DGKB: variants seen among roughly 807,000 people sequenced by gnomAD.
DGKB encodes 90 kDa diacylglycerol kinase.
Under a neutral mutation model 114.3 loss-of-function variants are expected in DGKB, and 67 were observed. That is an observed-to-expected ratio of 0.59 (90% CI 0.48 to 0.72). The LOEUF (loss-of-function observed/expected upper bound fraction) is 0.72, where lower values mean the gene tolerates loss of function less well. Among genes scored for constraint, DGKB ranks in the 30% least tolerant of loss-of-function variants. The pLI is 0.00. For missense variants in DGKB, 907 were observed against 975.2 expected, an observed-to-expected ratio of 0.93 and a Z score of 0.93; for synonymous variants, 398 against 323.1, an observed-to-expected ratio of 1.23 and a Z score of -2.49.
intron 21 of DGKB, among the ~76,000 whole-genome samples, chr7:14,472,540 C>G (rs1584219546): frequency 6.6e-6 from 1 of 152,052 alleles, no homozygotes; most frequent in East Asian, 1.9e-4. Flanking sequence ...TAAATTGGTA[C>G]CAGTAGAATG....
intron 1 of DGKB, among the ~76,000 whole-genome samples, chr7:14,848,887 C>A (rs1562709873): frequency 6.6e-6 from 1 of 152,034 alleles, no homozygotes; most frequent in Non-Finnish European, 1.5e-5. Context: ...TCTGACCAAC[C>A]CTGCATATCC....
At chr7:14,190,779 C>G (rs1473062594) in intron 23 of DGKB, 1 of 152,500 alleles carries the variant, frequency 6.6e-6, no homozygotes, top group East Asian at 1.9e-4. Flanking sequence ...GTCATGAAAA[C>G]CATCCCTAAA....
intron 13 of DGKB, among the ~76,000 whole-genome samples, chr7:14,665,636 T>A (rs1387789459): frequency 6.6e-6 from 1 of 152,036 alleles, no homozygotes; most frequent in Non-Finnish European, 1.5e-5. Flanking sequence ...ATAATCTGCT[T>A]GATTTTACTC....
intron 20 of DGKB, among the ~76,000 whole-genome samples, chr7:14,532,982 G>T (rs781702240): frequency 9.9e-5 from 15 of 151,706 alleles, no homozygotes; most frequent in Non-Finnish European, 1.9e-4. Flanking sequence ...AAGAATAAGG[G>T]TTACATGACA....
intron 1 of DGKB, among the ~76,000 whole-genome samples, chr7:14,931,852 G>T (rs967448181): frequency 1.3e-5 from 2 of 152,062 alleles, no homozygotes; most frequent in South Asian, 2.1e-4. Flanking sequence ...GGTGGGTCGG[G>T]GGGTGGGGAT....
At chr7:14,647,610 C>T (rs185788440) in intron 13 of DGKB, among the ~76,000 whole-genome samples, 69 of 135,196 alleles carry the variant, frequency 5.1e-4, no homozygotes, top group African/African-American at 1.8e-3. Context: ...AATTCAACAT[C>T]ACATCAAAAA....
At chr7:14,607,997 G>C (rs139991464) in intron 16 of DGKB, among the ~76,000 whole-genome samples, 1 of 152,062 alleles carries the variant, frequency 6.6e-6, no homozygotes, top group Non-Finnish European at 1.5e-5. Context: ...TGTAAGCAAA[G>C]AATGTAGCCT....
At chr7:14,818,419 T>A (rs988831582) in intron 2 of DGKB, among the ~76,000 whole-genome samples, 1 of 151,874 alleles carries the variant, frequency 6.6e-6, no homozygotes, top group Non-Finnish European at 1.5e-5. Context: ...ACATAAAGGG[T>A]GAGTGATAAA....
At chr7:14,298,872 A>C (rs926751004) in intron 23 of DGKB, among the ~76,000 whole-genome samples, 2 of 152,210 alleles carry the variant, frequency 1.3e-5, no homozygotes, top group African/African-American at 4.8e-5. Context: ...TCCATCAAAA[A>C]GTGGGTGAAG....
intron 2 of DGKB, among the ~76,000 whole-genome samples, chr7:14,769,987 C>T (rs1167299443): frequency 6.6e-6 from 1 of 152,042 alleles, no homozygotes; most frequent in African/African-American, 2.4e-5. Context: ...AATATAAAGC[C>T]ACCTTAACAG....
intron 23 of DGKB, among the ~76,000 whole-genome samples, chr7:14,253,578 T>C (rs371688767): frequency 2.0e-5 from 3 of 152,254 alleles, no homozygotes; most frequent in African/African-American, 4.8e-5. Flanking sequence ...ATTGCTATTA[T>C]GTCTGAAATC....
chr7:14,285,030 T>A (rs188816001), intron 23 of DGKB, among the ~76,000 whole-genome samples: 1 of 61,330 alleles, frequency 1.6e-5, no homozygotes, highest in African/African-American at 3.9e-5. Flanking sequence ...AATAAAAAAA[T>A]AATAAAAAAA....
chr7:14,146,326 T>C lies in DGKB; in HGVS notation c.*2805A>G, dbSNP rs943634598. On this transcript the variant is annotated 3_prime_UTR_variant, in exon 26 of 26. Coordinates refer to ENST00000402815, the MANE Select transcript of DGKB (RefSeq NM_001350709.2). Reference sequence around the variant, plus strand: ...CTCATCAACTCAGTGCCTAGCAATGTTTAGCAGAGTGCATGTCTCTTTTCC... The same window carrying C: ...CTCATCAACTCAGTGCCTAGCAATGCTTAGCAGAGTGCATGTCTCTTTTCC... The C allele has an allele frequency of 6.6e-6, 1 of 152,222 alleles. No individual in the cohort carries two copies. The highest frequency in any genetic ancestry group is 2.4e-5 in the African/African-American group (1 of 41,452). The allele number at this position is 152,222 out of a possible 1,614,324, so 9.4% of individuals were successfully genotyped here. A position where few individuals can be genotyped will look rare whatever the true frequency, so the allele number is the denominator to read the frequency against.
chr7:14,920,693 C>A (rs981920634), intron 1 of DGKB, among the ~76,000 whole-genome samples: 2 of 152,152 alleles, frequency 1.3e-5, no homozygotes, highest in African/African-American at 4.8e-5. Context: ...AAACCCTTCA[C>A]AGGAATGTTT....
chr7:14,408,680 C>A (rs1282239609), intron 21 of DGKB, among the ~76,000 whole-genome samples: 2 of 151,932 alleles, frequency 1.3e-5, no homozygotes, highest in East Asian at 1.9e-4. Flanking sequence ...ATTTTTGGTT[C>A]TTTACTTGAT....
chr7:14,919,095 A>ACACACACAC (rs1554345122), intron 1 of DGKB, among the ~76,000 whole-genome samples: 10 of 114,970 alleles, frequency 8.7e-5, no homozygotes, highest in African/African-American at 3.2e-4. Flanking sequence ...CACACACACA[A>ACACACACAC]ACACACACAC....
At position 14,155,014 on chromosome 7, in the gene DGKB, C is replaced by T. The variant is rs150827970; in HGVS notation, c.2305-5776G>A. ...ATCATTGTTAGAAATGCAGACTCCC[C>T]GGTCCCACCCCAGATCTTCTGATTC... On this transcript the variant is annotated intron_variant, in intron 25 of 25. Transcript: ENST00000402815. 3.5e-4 allele frequency among the ~76,000 whole-genome samples: 53 copies of T among 152,098 alleles called. No individual in the cohort carries two copies. In the East Asian group the frequency reaches 6.0e-3, roughly 17 times the overall value.
At chr7:14,968,986 T>C (rs776928191) in intron 1 of DGKB, among the ~76,000 whole-genome samples, 27 of 152,210 alleles carry the variant, frequency 1.8e-4, no homozygotes, top group Non-Finnish European at 3.8e-4. Flanking sequence ...GCAGAATTCA[T>C]CTTACTGGTT....
chr7:14,913,240 A>G (rs1012827322), intron 1 of DGKB, among the ~76,000 whole-genome samples: 2 of 150,984 alleles, frequency 1.3e-5, no homozygotes, highest in African/African-American at 2.4e-5. Flanking sequence ...CTTATTTCAC[A>G]CTCCGCTCTG....
Sources: allele counts gnomAD v4.1 joint callset (sites outside exome capture counted in the v4.1 genomes callset), GRCh38; gene constraint gnomAD v4.1.1; transcripts MANE v1.5; gene names NCBI Gene and HGNC (gene_info 2026-07-23, HGNC 2026-07-21).